The following PTDSS2 variants were observed in gnomAD, a reference collection of about 807,000 sequenced individuals.
PTDSS2 encodes the protein phosphatidylserine synthase 2.
In PTDSS2, 41 loss-of-function variants were observed where a neutral mutation model predicts 64.7. The observed-to-expected ratio is 0.63, with a 90% CI of 0.49 to 0.82. PTDSS2 has a LOEUF of 0.82. Among genes scored for constraint, PTDSS2 ranks in the 40% least tolerant of loss-of-function variants. The pLI, the probability that PTDSS2 is intolerant of heterozygous loss-of-function variation, is 0.00. For synonymous variants in PTDSS2, 297 were observed against 277.8 expected (o/e 1.07, Z -0.69); for missense variants, 485 against 650.0 (o/e 0.75, Z 2.76).
intron 4 of PTDSS2, among the ~76,000 whole-genome samples, chr11:481,996 C>A (rs1848091986): frequency 6.6e-6 from 1 of 151,548 alleles, no homozygotes; most frequent in African/African-American, 2.4e-5. Flanking sequence ...GCATGCACCA[C>A]CATGCCCAGC....
chr11:484,878 G>A (rs1227260859), intron 4 of PTDSS2, among the ~76,000 whole-genome samples: 9 of 145,966 alleles, frequency 6.2e-5, no homozygotes, highest in South Asian at 2.2e-4. Context: ...GTGCGCAGGC[G>A]TCTGTAAACA....
intron 2 of PTDSS2, among the ~76,000 whole-genome samples, chr11:466,611 G>C (rs1196680327): frequency 1.3e-5 from 2 of 152,006 alleles, no homozygotes; most frequent in Non-Finnish European, 2.9e-5. Flanking sequence ...GTTTCACCAT[G>C]TTGGCCAGGT....
intron 4 of PTDSS2, among the ~76,000 whole-genome samples, chr11:485,055 CGA>C (rs1848260212): frequency 4.1e-5 from 5 of 120,882 alleles, no homozygotes; most frequent in East Asian, 2.6e-4. Context: ...TGTGCGCAGG[CGA>C]GTGTAAACTG....
chr11:471,923 AGATGGTGGCCTGGGGTGACGTG>A (rs1564975509), intron 2 of PTDSS2, among the ~76,000 whole-genome samples: 1 of 103,358 alleles, frequency 9.7e-6, no homozygotes, highest in African/African-American at 3.6e-5. Flanking sequence ...CCTGTCGGGC[AGATGGTGGCCTGGGGTGACGTG>A]GATGGCGGCC....
intron 1 of PTDSS2, among the ~76,000 whole-genome samples, chr11:455,814 C>T (rs117481332): frequency 2.1e-3 from 318 of 152,336 alleles, no homozygotes; most frequent in Admixed American, 3.8e-3. Context: ...TTCTCTATAA[C>T]GTGTAGGGTT....
At chr11:452,660 C>T (rs1221925904) in intron 1 of PTDSS2, among the ~76,000 whole-genome samples, 4 of 152,076 alleles carry the variant, frequency 2.6e-5, no homozygotes, top group African/African-American at 9.7e-5. Context: ...TCGACCCTGT[C>T]CCTGTAGAGA....
Position 490,779 on chromosome 11 carries a change from C to A in PTDSS2, c.*197C>A. ...TCATCTCCATGTGTACACGTGTGTA[C>A]GTGTGTATGCGTGTGTGTACGCGTG... On this transcript the variant is annotated 3_prime_UTR_variant, in exon 12 of 12. Transcript: ENST00000308020. 1 of 610,376 alleles carries A rather than the reference C, an allele frequency of 1.6e-6. No individual in the cohort carries two copies. The highest frequency in any genetic ancestry group is 2.9e-6 in the Non-Finnish European group (1 of 348,084). The allele number at this position is 610,376 out of a possible 1,614,324, so 37.8% of individuals were successfully genotyped here.
rs762479427 is a variant in PTDSS2, at chr11:487,413, C to T, written c.571-7C>T. On this transcript the variant is annotated splice_polypyrimidine_tract_variant and splice_region_variant and intron_variant, in intron 5 of 11. Coordinates refer to ENST00000308020, the MANE Select transcript of PTDSS2 (RefSeq NM_030783.3). ...CAGGGTCAAGGGTCATACCCTGTCG[C>T]CCACAGGACAAGTTGGATGGCTTTG... 3 of 1,613,788 alleles carry T rather than the reference C, an allele frequency of 1.9e-6. No homozygotes were observed. The highest frequency in any genetic ancestry group is 1.3e-5 in the African/African-American group (1 of 75,046).
At chr11:469,531 G>C (rs904486078) in intron 2 of PTDSS2, among the ~76,000 whole-genome samples, 6 of 151,574 alleles carry the variant, frequency 4.0e-5, no homozygotes, top group Non-Finnish European at 7.4e-5. Context: ...AGGAGGAGGG[G>C]AGTCTCCGGG....
At chr11:486,889 A>C in intron 4 of PTDSS2, 50 bp from the exon 5 acceptor site, 1 of 1,545,494 alleles carries the variant, frequency 6.5e-7, no homozygotes, top group East Asian at 2.3e-5. Flanking sequence ...TCCCGTTTCA[A>C]GTTGCCACCA....
intron 3 of PTDSS2, among the ~76,000 whole-genome samples, chr11:475,083 TGTTTGTGTGTGGGACATATTCACGC>T (rs1847687466): frequency 1.1e-5 from 1 of 89,522 alleles, no homozygotes; most frequent in Admixed American, 1.2e-4. Context: ...CACATTCACG[TGTTTGTGTGTGGGACATATTCACGC>T]GTTTGTGTGA....
chr11:478,777 C>A (rs761154466), intron 3 of PTDSS2, among the ~76,000 whole-genome samples: 1 of 152,104 alleles, frequency 6.6e-6, no homozygotes, highest in Non-Finnish European at 1.5e-5. Flanking sequence ...CCAAACTTAA[C>A]GGCGCAAGTT....
chr11:477,690 T>C (rs528256722), intron 3 of PTDSS2, among the ~76,000 whole-genome samples: 1 of 152,228 alleles, frequency 6.6e-6, no homozygotes, highest in Non-Finnish European at 1.5e-5. Context: ...GATGGTTTCA[T>C]GGGTGTAGCT....
At chr11:475,086 TTGTG>T (rs1211257116) in intron 3 of PTDSS2, among the ~76,000 whole-genome samples, 16 of 138,742 alleles carry the variant, frequency 1.2e-4, no homozygotes, top group African/African-American at 3.2e-4. Context: ...ATTCACGTGT[TTGTG>T]TGTGGGACAT....
intron 1 of PTDSS2, among the ~76,000 whole-genome samples, chr11:455,052 C>T (rs1345284335): frequency 6.6e-6 from 1 of 152,030 alleles, no homozygotes; most frequent in Non-Finnish European, 1.5e-5. Context: ...GGAGTGGTGG[C>T]ATTCTGGGTG....
At chr11:475,020 A>C (rs77185884) in intron 3 of PTDSS2, among the ~76,000 whole-genome samples, 155 of 75,634 alleles carry the variant, frequency 2.0e-3, no homozygotes, top group Admixed American at 2.6e-3. Context: ...TGTGATACGG[A>C]CATATTCACG....
Position 488,260 on chromosome 11 carries a change from A to C in PTDSS2, c.683A>C (p.Glu228Ala). The change falls in exon 7 of 12, where the codon GAG (glutamate) becomes GCG (alanine). Residue 228 changes from glutamate (E) to alanine (A), a missense_variant. This residue lies in a region of PTDSS2 where 251 missense variants were observed against 348.0 expected (regional missense o/e 0.72). Transcript: ENST00000308020. ...ATCAGCGTGATGTTCGAGTTCCTGG[A>C]GTACAGCCTGGAGCACCAGCTGCCC... The part of the protein sequence containing the change: ...MIISVMFEFL[E>A]YSLEHQLPNF... The C allele has an allele frequency of 6.2e-7, 1 of 1,613,576 alleles. No homozygotes were observed. The highest frequency in any genetic ancestry group is 8.5e-7 in the Non-Finnish European group (1 of 1,179,922).
In PTDSS2 at chr11:490,701, C is replaced by T; in HGVS notation, c.*119C>T. 2 of 1,090,342 alleles carry T rather than the reference C, an allele frequency of 1.8e-6. No homozygotes were observed. Among genetic ancestry groups the T allele is most frequent in the Non-Finnish European group, 2.6e-6 (2 of 779,388 alleles). The allele number at this position is 1,090,342 out of a possible 1,614,324, so 67.5% of individuals were successfully genotyped here. A position where few individuals can be genotyped will look rare whatever the true frequency, so the allele number is the denominator to read the frequency against. On this transcript the variant is annotated 3_prime_UTR_variant, in exon 12 of 12. Transcript: ENST00000308020. ...GCCCTCAAGGTTTTTTGCTTTTCTCCTGTGCACCTGGCGAGGCTGAAGGCG... is the reference window on the plus strand; with the variant it reads ...GCCCTCAAGGTTTTTTGCTTTTCTCTTGTGCACCTGGCGAGGCTGAAGGCG...
chr11:479,991 T>A lies in PTDSS2; in HGVS notation c.435+839T>A, dbSNP rs1847996257. ...TACATTCTGTGAATTTTAGCATTTGTGTAGACTTCTAGAAACACAATTAGG... is the reference window on the plus strand; with the variant it reads ...TACATTCTGTGAATTTTAGCATTTGAGTAGACTTCTAGAAACACAATTAGG... On this transcript the variant is annotated intron_variant, in intron 4 of 11. Transcript: ENST00000308020. The surrounding 1 kb of genome is among the most constrained non-coding windows in gnomAD (Gnocchi z 4.2). The A allele has an allele frequency of 6.6e-6, 1 of 152,396 alleles. No individual in the cohort carries two copies. The highest frequency in any genetic ancestry group is 2.4e-5 in the African/African-American group (1 of 41,464). The allele number at this position is 152,396 out of a possible 1,614,324, so 9.4% of individuals were successfully genotyped here.
Sources: gnomAD v4.1 joint callset for allele counts (sites outside exome capture counted in the v4.1 genomes callset) on GRCh38, gnomAD v4.1.1 for gene constraint, gnomAD v4.1.1 regional missense constraint, Gnocchi (gnomAD v3.1) non-coding constraint, MANE v1.5 for transcripts, NCBI Gene and HGNC (gene_info 2026-07-23, HGNC 2026-07-21) for gene names.